DEAF1: variants seen among roughly 807,000 people sequenced by gnomAD.
DEAF1 encodes the protein DEAF1 transcription factor, also known as deformed epidermal autoregulatory factor 1 homolog.
A neutral mutation model predicts 58.9 loss-of-function variants in DEAF1; 53 were observed. The ratio of observed to expected loss-of-function variants is 0.90; its 90% CI spans 0.72 to 1.13. DEAF1 has a LOEUF of 1.13. Among genes scored for constraint, DEAF1 ranks in the 50% most tolerant of loss-of-function variants. The pLI, the probability that DEAF1 is intolerant of heterozygous loss-of-function variation, is 0.00. For synonymous variants in DEAF1, 385 were observed against 340.4 expected, an observed-to-expected ratio of 1.13 and a Z score of -1.44; for missense variants, 685 against 791.4, an observed-to-expected ratio of 0.87 and a Z score of 1.61.
intron 8 of DEAF1, 54 bp from the exon 9 acceptor site, chr11:678,876 C>T: frequency 6.2e-7 from 1 of 1,607,758 alleles, no homozygotes; most frequent in Non-Finnish European, 8.5e-7. Flanking sequence ...GCACAGCAGA[C>T]TCTAAATATC....
intron 10 of DEAF1, among the ~76,000 whole-genome samples, chr11:667,232 T>A (rs1255385063): frequency 6.6e-6 from 1 of 151,500 alleles, no homozygotes; most frequent in Non-Finnish European, 1.5e-5. Flanking sequence ...TAAGGGAAGA[T>A]CACCTGAGCC....
At chr11:685,079 ATT>A (rs1337057407) in intron 5 of DEAF1, 116 bp from the exon 6 acceptor site, 3 of 595,244 alleles carry the variant, frequency 5.0e-6, no homozygotes. Flanking sequence ...AAATATAAAA[ATT>A]CTTTTTTTTT....
intron 6 of DEAF1, 59 bp from the exon 7 acceptor site, chr11:681,148 G>T: frequency 6.2e-7 from 1 of 1,611,452 alleles, no homozygotes; most frequent in African/African-American, 1.3e-5. Context: ...TGCTGCGCTT[G>T]CAACTCCTCC....
chr11:703,133 G>A (rs375407312), intron 1 of DEAF1: 23 of 1,608,204 alleles, frequency 1.4e-5, no homozygotes, highest in East Asian at 2.2e-5. Flanking sequence ...GGTTGCCATC[G>A]CGGCCTTCAC....
chr11:684,620 G>A (rs992106025), intron 6 of DEAF1, among the ~76,000 whole-genome samples: 1 of 152,168 alleles, frequency 6.6e-6, no homozygotes, highest in African/African-American at 2.4e-5. Flanking sequence ...TAGAGTTAAG[G>A]CGGTGACATT....
intron 1 of DEAF1, among the ~76,000 whole-genome samples, chr11:692,927 C>T (rs767174431): frequency 2.0e-5 from 3 of 152,134 alleles, no homozygotes; most frequent in Non-Finnish European, 4.4e-5. Context: ...CCCTCATCCT[C>T]GCCTCTCAGC....
rs761093556 is a variant in DEAF1, at chr11:684,968, G to A, written c.805-5C>T. 1.3e-6 allele frequency: 2 copies of A among 1,550,768 alleles called. No individual in the cohort carries two copies. Among genetic ancestry groups the A allele is most frequent in the Non-Finnish European group, 1.7e-6 (2 of 1,146,560 alleles). On this transcript the variant is annotated splice_polypyrimidine_tract_variant and splice_region_variant and intron_variant, in intron 5 of 11. Transcript: ENST00000382409. ...GTGAGGGTTTAAGATCCCATCCTGAGATGTGAAAAGAACCACCATGCATTA... is the reference window on the plus strand; with the variant it reads ...GTGAGGGTTTAAGATCCCATCCTGAAATGTGAAAAGAACCACCATGCATTA...
chr11:655,650 A>G (rs1160209039), intron 10 of DEAF1, among the ~76,000 whole-genome samples: 1 of 152,206 alleles, frequency 6.6e-6, no homozygotes, highest in African/African-American at 2.4e-5. Flanking sequence ...ACGCGTGCAG[A>G]CCTGCTCCGA....
intron 1 of DEAF1, among the ~76,000 whole-genome samples, chr11:701,645 C>G (rs7121166): frequency 0.039 from 5,866 of 151,894 alleles, 355 homozygotes; most frequent in African/African-American, 0.13. Flanking sequence ...TCCTGACCTC[C>G]TGATCCGCCC....
At position 671,411 on chromosome 11, in the gene DEAF1, G is replaced by A. The variant is rs1055913189; in HGVS notation, c.1503+3125C>T. ...AATTTTTATATTTTTTTGTAGAGAC[G>A]GGGTTTCACCATGTTGTCCAAGCTG... On this transcript the variant is annotated intron_variant, in intron 10 of 11. Coordinates refer to ENST00000382409, the MANE Select transcript of DEAF1 (RefSeq NM_021008.4). 3.3e-4 allele frequency among the ~76,000 whole-genome samples: 50 copies of A among 151,792 alleles called. 1 individual carries two copies. Among genetic ancestry groups the A allele is most frequent in the African/African-American group, 1.2e-3 (50 of 41,426 alleles).
chr11:677,133 T>C (rs1860118998), intron 9 of DEAF1, among the ~76,000 whole-genome samples: 1 of 151,798 alleles, frequency 6.6e-6, no homozygotes, highest in Admixed American at 6.6e-5. Flanking sequence ...ACACTTTTTT[T>C]TTTTTTCCAG....
intron 6 of DEAF1, among the ~76,000 whole-genome samples, chr11:682,443 A>G (rs956614819): frequency 6.6e-6 from 1 of 152,142 alleles, no homozygotes; most frequent in African/African-American, 2.4e-5. Flanking sequence ...CCTCCTCTTA[A>G]CTGCTTACCA....
intron 11 of DEAF1, among the ~76,000 whole-genome samples, chr11:649,349 G>A (rs1454137731): frequency 1.3e-5 from 2 of 152,070 alleles, no homozygotes; most frequent in Non-Finnish European, 2.9e-5. Flanking sequence ...TTGAACCCGG[G>A]AAGCGGAGGT....
At chr11:691,636 GC>G (rs1860838854) in intron 1 of DEAF1, 38 bp from the exon 2 acceptor site, 2 of 1,594,142 alleles carry the variant, frequency 1.3e-6, no homozygotes, top group Non-Finnish European at 1.7e-6. Context: ...AGCAACAAAA[GC>G]CAGAATGGAC....
At chr11:653,520 G>A (rs1298725110) in intron 11 of DEAF1, among the ~76,000 whole-genome samples, 3 of 146,368 alleles carry the variant, frequency 2.0e-5, no homozygotes, top group Non-Finnish European at 4.5e-5. Context: ...GGGGTGTGGA[G>A]GGCTCAATAA....
chr11:697,210 G>A (rs1053058000), upstream of DEAF1, among the ~76,000 whole-genome samples: 2 of 151,456 alleles, frequency 1.3e-5, no homozygotes, highest in Admixed American at 1.3e-4. Flanking sequence ...GCTGTGATCA[G>A]GCCACTGCAC....
At chr11:700,327 G>T (rs1861388947) in intron 1 of DEAF1, 1 of 1,189,948 alleles carries the variant, frequency 8.4e-7, no homozygotes, top group Admixed American at 1.8e-5. Context: ...AGGAGTTTGA[G>T]ACCAGCCAGG....
intron 11 of DEAF1, among the ~76,000 whole-genome samples, chr11:646,143 C>T (rs917145068): frequency 1.3e-5 from 2 of 148,896 alleles, no homozygotes; most frequent in African/African-American, 2.5e-5. Context: ...ATCTCAGCTA[C>T]TTGGGAGGCT....
upstream of DEAF1, chr11:695,417 C>CT (rs1861082271): frequency 2.3e-6 from 1 of 427,338 alleles, no homozygotes; most frequent in Admixed American, 4.4e-5. Context: ...CCTCACTGTC[C>CT]TGACAGGCTG....
Sources: allele counts gnomAD v4.1 joint callset (sites outside exome capture counted in the v4.1 genomes callset), GRCh38; gene constraint gnomAD v4.1.1; transcripts MANE v1.5; gene names NCBI Gene and HGNC (gene_info 2026-07-23, HGNC 2026-07-21).